The following GRM5 variants were observed in gnomAD, a reference collection of about 807,000 sequenced individuals.
GRM5 encodes metabotropic glutamate receptor 5.
Under a neutral mutation model 83.1 loss-of-function variants are expected in GRM5, and 19 were observed. That is an observed-to-expected ratio of 0.23 (90% CI 0.16 to 0.34). The LOEUF (loss-of-function observed/expected upper bound fraction) is 0.34. Among genes scored for constraint, GRM5 ranks in the 10% least tolerant of loss-of-function variants. The pLI, the probability that GRM5 is intolerant of heterozygous loss-of-function variation, is 1.00. For missense variants in GRM5, 1,160 were observed against 1,588.3 expected (o/e 0.73, Z 4.58); for synonymous variants, 675 against 633.6 (o/e 1.07, Z -0.98).
chr11:88,996,198 A>G (rs1193848631), intron 2 of GRM5, among the ~76,000 whole-genome samples: 2 of 152,240 alleles, frequency 1.3e-5, no homozygotes, highest in East Asian at 3.8e-4. Context: ...CCTATTTTCC[A>G]TACACACAAT....
At chr11:88,957,499 C>T (rs1027908403) in intron 2 of GRM5, among the ~76,000 whole-genome samples, 7 of 152,046 alleles carry the variant, frequency 4.6e-5, no homozygotes, top group Non-Finnish European at 7.4e-5. Flanking sequence ...TTCTAAACAA[C>T]GGGGATGAAG....
chr11:88,890,054 T>C (rs1261232623), intron 2 of GRM5, among the ~76,000 whole-genome samples: 1 of 152,102 alleles, frequency 6.6e-6, no homozygotes, highest in African/African-American at 2.4e-5. Flanking sequence ...CTTTAAGGGA[T>C]GGCAAATAGT....
intron 3 of GRM5, among the ~76,000 whole-genome samples, chr11:88,784,931 T>C (rs1447068477): frequency 6.6e-6 from 1 of 152,086 alleles, no homozygotes; most frequent in East Asian, 1.9e-4. Flanking sequence ...GCTCTCTATA[T>C]GACATATAAA....
intron 3 of GRM5, among the ~76,000 whole-genome samples, chr11:88,757,545 G>C (rs1357756018): frequency 6.6e-6 from 1 of 152,034 alleles, no homozygotes; most frequent in Non-Finnish European, 1.5e-5. Flanking sequence ...CACAGAGAGA[G>C]CACACAGACT....
intron 4 of GRM5, among the ~76,000 whole-genome samples, chr11:88,617,556 A>C (rs555290600): frequency 6.6e-6 from 1 of 152,310 alleles, no homozygotes; most frequent in Non-Finnish European, 1.5e-5. Context: ...GAGAGCATGG[A>C]GAAAATTCTA....
chr11:88,902,950 CA>C (rs201996144), intron 2 of GRM5, among the ~76,000 whole-genome samples: 80 of 61,874 alleles, frequency 1.3e-3, no homozygotes, highest in African/African-American at 7.0e-3. Flanking sequence ...GACTCCATCT[CA>C]AAAAAAAAAA....
intron 3 of GRM5, among the ~76,000 whole-genome samples, chr11:88,750,941 A>G (rs1325928784): frequency 6.6e-6 from 1 of 152,034 alleles, no homozygotes; most frequent in African/African-American, 2.4e-5. Context: ...ATAGCACTCA[A>G]TGCCCACATC....
At chr11:88,928,458 G>GTA (rs1945828007) in intron 2 of GRM5, among the ~76,000 whole-genome samples, 1 of 12,028 alleles carries the variant, frequency 8.3e-5, no homozygotes, top group South Asian at 0.013. Context: ...GTGTGTGTGT[G>GTA]TGTGTGTATA....
At chr11:88,568,638 C>A (rs1049257287) in intron 7 of GRM5, among the ~76,000 whole-genome samples, 2 of 151,984 alleles carry the variant, frequency 1.3e-5, no homozygotes, top group East Asian at 1.9e-4. Flanking sequence ...TTAAACATTT[C>A]TTTGGTTTCT....
intron 8 of GRM5, among the ~76,000 whole-genome samples, chr11:88,560,014 G>A (rs1348581444): frequency 6.6e-6 from 1 of 152,038 alleles, no homozygotes; most frequent in Non-Finnish European, 1.5e-5. Context: ...GGTGAGATGG[G>A]GTAGGTGTAT....
At chr11:88,820,591 A>G (rs1717667133) in intron 3 of GRM5, among the ~76,000 whole-genome samples, 1 of 152,214 alleles carries the variant, frequency 6.6e-6, no homozygotes, top group Non-Finnish European at 1.5e-5. Context: ...TTGGGCAAAT[A>G]GCTTTGCCTC....
At chr11:88,911,453 C>A (rs560538571) in intron 2 of GRM5, among the ~76,000 whole-genome samples, 1 of 152,136 alleles carries the variant, frequency 6.6e-6, no homozygotes, top group East Asian at 1.9e-4. Flanking sequence ...AATGAGAAAG[C>A]ATATAGATTT....
intron 7 of GRM5, among the ~76,000 whole-genome samples, chr11:88,581,835 C>T (rs114515401): frequency 6.6e-6 from 1 of 152,144 alleles, no homozygotes; most frequent in Non-Finnish European, 1.5e-5. Context: ...TATTTTGAGA[C>T]ACACATACAT....
At chr11:88,710,611 T>C (rs1164894131) in intron 3 of GRM5, among the ~76,000 whole-genome samples, 1 of 152,110 alleles carries the variant, frequency 6.6e-6, no homozygotes, top group Non-Finnish European at 1.5e-5. Context: ...GGATAAAAAT[T>C]GTTCAAGAAA....
intron 4 of GRM5, among the ~76,000 whole-genome samples, chr11:88,638,494 T>G (rs1223946808): frequency 6.6e-6 from 1 of 152,120 alleles, no homozygotes; most frequent in Non-Finnish European, 1.5e-5. Flanking sequence ...AATTCTGTCT[T>G]CATTGATTGA....
At chr11:88,954,023 G>A (rs1328330003) in intron 2 of GRM5, among the ~76,000 whole-genome samples, 2 of 152,118 alleles carry the variant, frequency 1.3e-5, no homozygotes, top group Non-Finnish European at 2.9e-5. Flanking sequence ...GTTCATAAAT[G>A]GTGTAGATAA....
intron 2 of GRM5, among the ~76,000 whole-genome samples, chr11:88,858,564 A>C (rs984412483): frequency 3.3e-5 from 5 of 152,046 alleles, no homozygotes; most frequent in Admixed American, 1.3e-4. Flanking sequence ...AGGAAATCAG[A>C]TTATTTAAAG....
At chr11:88,525,426 AG>A in intron 8 of GRM5, 22 bp from the exon 9 acceptor site, 2 of 1,410,996 alleles carry the variant, frequency 1.4e-6, no homozygotes, top group South Asian at 2.3e-5. Flanking sequence ...GAACAAGGAC[AG>A]GAGCAAACAG....
At chr11:88,932,117 A>G (rs1937728715) in intron 2 of GRM5, among the ~76,000 whole-genome samples, 1 of 152,070 alleles carries the variant, frequency 6.6e-6, no homozygotes, top group Admixed American at 6.6e-5. Flanking sequence ...CCAGCATGGG[A>G]TTACTGAGTT....
Sources: allele counts gnomAD v4.1 joint callset (sites outside exome capture counted in the v4.1 genomes callset), GRCh38; gene constraint gnomAD v4.1.1; transcripts MANE v1.5; gene names NCBI Gene and HGNC (gene_info 2026-07-23, HGNC 2026-07-21).